Variants in DMD observed in about 807,000 individuals in gnomAD.
The protein encoded by DMD is mutant dystrophin.
A neutral mutation model predicts 330.1 loss-of-function variants in DMD; 63 were observed. That is an observed-to-expected ratio of 0.19 (90% CI 0.16 to 0.24). DMD has a LOEUF of 0.24. Ranked by LOEUF, DMD falls within the 10% of genes least tolerant of loss-of-function variation. The pLI is 1.00. For synonymous variants in DMD, 1,223 were observed against 959.8 expected (o/e 1.27, Z -5.07); for missense variants, 3,344 against 2,684.1 (o/e 1.25, Z -5.43).
Position 32,932,024 on chromosome X carries a change from C to A in DMD, c.94-82204G>T, listed in dbSNP as rs139667409. On this transcript the variant is annotated intron_variant, in intron 2 of 78. Transcript: ENST00000357033. ...TAGAAAATCTATTCAAATATACACA[C>A]ACGCATTATGCTAAACACAAACGTA... Among the ~76,000 whole-genome samples, 586 of 112,008 alleles carry A rather than the reference C, an allele frequency of 5.2e-3. 4 individuals carry two copies. Among genetic ancestry groups the A allele is most frequent in the Non-Finnish European group, 7.3e-3 (389 of 53,167 alleles).
chrX:32,610,264 G>C (rs1263936441), intron 12 of DMD, among the ~76,000 whole-genome samples: 2 of 111,342 alleles, frequency 1.8e-5, no homozygotes, highest in East Asian at 5.7e-4. Context: ...TCTCCCTACA[G>C]CAATGTCTAT....
In DMD at chrX:32,133,266, A is replaced by G. The variant is rs145144395; in HGVS notation, c.6438+83650T>C. Among the ~76,000 whole-genome samples, 573 of 109,906 alleles carry G rather than the reference A, an allele frequency of 5.2e-3. 3 individuals are homozygous for G. The highest frequency in any genetic ancestry group is 0.016 in the African/African-American group (491 of 30,056). Reference sequence around the variant, plus strand: ...CGTGATCTGCCCGCCTCGGCCTCCCAAAGTACTAGGATTACAGGTGTGAGC... The same window carrying G: ...CGTGATCTGCCCGCCTCGGCCTCCCGAAGTACTAGGATTACAGGTGTGAGC... On this transcript the variant is annotated intron_variant, in intron 44 of 78. Coordinates refer to ENST00000357033, the MANE Select transcript of DMD (RefSeq NM_004006.3).
At position 32,364,979 on chromosome X, in the gene DMD, T is replaced by C. The variant is rs912692790; in HGVS notation, c.5025+41A>G. On this transcript the variant is annotated intron_variant, in intron 35 of 78. Coordinates refer to ENST00000357033, the MANE Select transcript of DMD (RefSeq NM_004006.3). ...TGGTCACTTATGTATCTTTTTCTCG[T>C]GACAGAGAAGGGTGTAAAAGCTTCT... 5 of 1,194,855 alleles carry C rather than the reference T, an allele frequency of 4.2e-6. No individual in the cohort carries two copies. In the African/African-American group the frequency reaches 5.3e-5, roughly 13 times the overall value.
chrX:31,611,935 T>C (rs963683209), intron 55 of DMD, among the ~76,000 whole-genome samples: 1 of 111,458 alleles, frequency 9.0e-6, no homozygotes, highest in African/African-American at 3.3e-5. Context: ...TATTTTGATA[T>C]AGGCCTACAA....
chrX:32,183,954 C>T (rs2096936619), intron 44 of DMD, among the ~76,000 whole-genome samples: 1 of 110,507 alleles, frequency 9.0e-6, no homozygotes. Flanking sequence ...GCTTCTGTAT[C>T]CCCTAAAAAG....
intron 60 of DMD, among the ~76,000 whole-genome samples, chrX:31,443,802 G>C (rs1363726362): frequency 9.0e-6 from 1 of 111,728 alleles, no homozygotes; most frequent in East Asian, 2.8e-4. Flanking sequence ...CAAGCAGTAA[G>C]AGTACAAAGG....
intron 1 of DMD, among the ~76,000 whole-genome samples, chrX:33,092,877 T>A: frequency 9.1e-6 from 1 of 109,897 alleles, no homozygotes; most frequent in Admixed American, 9.8e-5. Flanking sequence ...TATTTTATTT[T>A]ATTTATTTAT....
intron 43 of DMD, among the ~76,000 whole-genome samples, chrX:32,252,402 T>C (rs1345923438): frequency 9.3e-6 from 1 of 107,859 alleles, no homozygotes; most frequent in Non-Finnish European, 1.9e-5. Context: ...ATGTATATGA[T>C]TATTGCCTTA....
chrX:31,741,322 G>A (rs2087319656), intron 51 of DMD, among the ~76,000 whole-genome samples: 2 of 111,651 alleles, frequency 1.8e-5, no homozygotes, highest in South Asian at 3.7e-4. Flanking sequence ...AGGACTTTCC[G>A]TTTTCAGTTT....
intron 44 of DMD, among the ~76,000 whole-genome samples, chrX:31,989,260 G>A (rs976837895): frequency 1.3e-4 from 15 of 111,440 alleles, no homozygotes; most frequent in African/African-American, 4.2e-4. Context: ...CAAATGTCTC[G>A]GTACCCTGCG....
chrX:32,959,048 AAT>A (rs1185699574), intron 2 of DMD, among the ~76,000 whole-genome samples: 2 of 112,079 alleles, frequency 1.8e-5, no homozygotes, highest in East Asian at 2.8e-4. Context: ...AGTTATTACA[AAT>A]ATGTTCATTT....
At chrX:32,357,501 C>T (rs1280482273) in intron 37 of DMD, among the ~76,000 whole-genome samples, 1 of 111,242 alleles carries the variant, frequency 9.0e-6, no homozygotes, top group African/African-American at 3.3e-5. Context: ...CTGATCTAGA[C>T]TGAAATTTCC....
intron 2 of DMD, among the ~76,000 whole-genome samples, chrX:32,908,034 A>G (rs904937126): frequency 5.4e-5 from 6 of 111,480 alleles, no homozygotes; most frequent in Middle Eastern, 9.3e-3. Context: ...ATAGAATTTG[A>G]TATTAACTTT....
At chrX:33,270,075 G>C (rs1467073547) in intron 1 of DMD, among the ~76,000 whole-genome samples, 4 of 109,981 alleles carry the variant, frequency 3.6e-5, no homozygotes, top group African/African-American at 9.9e-5. Flanking sequence ...CACAATATTT[G>C]GGTTTATGTC....
chrX:31,729,301 A>G (rs1178638359), intron 52 of DMD, among the ~76,000 whole-genome samples: 2 of 111,446 alleles, frequency 1.8e-5, no homozygotes, highest in Non-Finnish European at 3.8e-5. Context: ...AGAGACTGGC[A>G]TCTCCATGGA....
rs748177226 is a variant in DMD at position 32,839,086 on chromosome X, T to C, written c.264+5697A>G. Among the ~76,000 whole-genome samples, 6 of 111,796 alleles carry C rather than the reference T, an allele frequency of 5.4e-5. No individual in the cohort carries two copies. The South Asian group carries it at 2.3e-3, about 42-fold the overall frequency. ...ATTTCTAGTAGTGTTTTTTTAGTCATTGTCATCTCATTTAGACCTGAGTCC... is the reference window on the plus strand; with the variant it reads ...ATTTCTAGTAGTGTTTTTTTAGTCACTGTCATCTCATTTAGACCTGAGTCC... On this transcript the variant is annotated intron_variant, in intron 4 of 78. Coordinates refer to ENST00000357033, the MANE Select transcript of DMD (RefSeq NM_004006.3).
rs770257881 is a variant in DMD at position 32,162,850 on chromosome X, G to T, written c.6438+54066C>A. On this transcript the variant is annotated intron_variant, in intron 44 of 78. Transcript: ENST00000357033. ...CCACCTCAGACTCCCAAAGTGCTGG[G>T]ATTACAGGCATGCAACAAGCATTTT... Among the ~76,000 whole-genome samples the T allele has an allele frequency of 3.7e-5, 4 of 109,339 alleles. No homozygotes were observed. The East Asian group carries it at 8.6e-4, about 24-fold the overall frequency. 94.9% of individuals were successfully genotyped at this position (109,339 alleles called of 115,157 possible).
At chrX:32,554,159 C>T (rs1342296490) in intron 16 of DMD, among the ~76,000 whole-genome samples, 1 of 111,904 alleles carries the variant, frequency 8.9e-6, no homozygotes. Context: ...AAATTTATAG[C>T]ACTAAATGCT....
chrX:32,130,257 T>C (rs1302052218), intron 44 of DMD, among the ~76,000 whole-genome samples: 1 of 111,849 alleles, frequency 8.9e-6, no homozygotes, highest in East Asian at 2.8e-4. Context: ...CTTTTGGATT[T>C]ACAGATCAAG....
Sources: gnomAD v4.1 joint callset for allele counts (sites outside exome capture counted in the v4.1 genomes callset) on GRCh38, gnomAD v4.1.1 for gene constraint, MANE v1.5 for transcripts, NCBI Gene and HGNC (gene_info 2026-07-23, HGNC 2026-07-21) for gene names.